METTL15: variants seen among roughly 807,000 people sequenced by gnomAD.
The protein encoded by METTL15 is 12S rRNA N(4)-cytidine methyltransferase METTL15.
Under a neutral mutation model 38.3 loss-of-function variants are expected in METTL15, and 34 were observed. The observed-to-expected ratio is 0.89, with a 90% CI of 0.68 to 1.18. METTL15 has a LOEUF of 1.18. Among genes scored for constraint, METTL15 ranks in the 50% most tolerant of loss-of-function variants. METTL15 has a pLI of 0.00. For missense variants in METTL15, 438 were observed against 498.4 expected, an observed-to-expected ratio of 0.88 and a Z score of 1.15; for synonymous variants, 162 against 170.9, an observed-to-expected ratio of 0.95 and a Z score of 0.41.
intron 4 of METTL15, among the ~76,000 whole-genome samples, chr11:28,262,359 CAG>C (rs1050407820): frequency 8.0e-5 from 12 of 150,568 alleles, no homozygotes; most frequent in African/African-American, 2.2e-4. Flanking sequence ...TATATAACTA[CAG>C]AGATATATAT....
intron 6 of METTL15, among the ~76,000 whole-genome samples, chr11:28,481,840 T>C (rs1426756306): frequency 1.3e-5 from 2 of 152,168 alleles, no homozygotes; most frequent in Non-Finnish European, 2.9e-5. Flanking sequence ...ATAAATAATT[T>C]TCTGTTATTG....
At chr11:28,176,726 A>T (rs940009798) in intron 3 of METTL15, among the ~76,000 whole-genome samples, 3 of 152,060 alleles carry the variant, frequency 2.0e-5, no homozygotes, top group Non-Finnish European at 4.4e-5. Flanking sequence ...GTTATTATCT[A>T]TCTGACCTTT....
At chr11:28,234,273 A>T (rs538373000) in intron 4 of METTL15, among the ~76,000 whole-genome samples, 162 of 152,074 alleles carry the variant, frequency 1.1e-3, no homozygotes, top group African/African-American at 2.1e-3. Flanking sequence ...ATACATGTGC[A>T]TGTGTCTTTA....
chr11:28,295,512 A>C (rs935698668), intron 5 of METTL15, among the ~76,000 whole-genome samples: 1 of 152,050 alleles, frequency 6.6e-6, no homozygotes, highest in African/African-American at 2.4e-5. Flanking sequence ...GAGGCAGGAG[A>C]ATCACTTGAA....
chr11:28,215,979 T>C (rs1252345561), intron 4 of METTL15, among the ~76,000 whole-genome samples: 3 of 152,106 alleles, frequency 2.0e-5, no homozygotes, highest in African/African-American at 7.2e-5. Flanking sequence ...CGCTCCAACC[T>C]TGGTGACAGA....
intron 3 of METTL15, among the ~76,000 whole-genome samples, chr11:28,140,723 G>A (rs1849668654): frequency 6.6e-6 from 1 of 152,192 alleles, no homozygotes. Context: ...CTGAAAGCAG[G>A]CTGCTGGTTG....
chr11:28,187,582 A>G (rs144895701), intron 3 of METTL15, among the ~76,000 whole-genome samples: 27 of 150,144 alleles, frequency 1.8e-4, no homozygotes, highest in Admixed American at 1.3e-3. Context: ...TAATAGAAAC[A>G]TAGTCACCAC....
intron 3 of METTL15, among the ~76,000 whole-genome samples, chr11:28,340,937 A>G (rs1269884222): frequency 6.6e-6 from 1 of 152,248 alleles, no homozygotes; most frequent in Non-Finnish European, 1.5e-5. Context: ...CCCATCAATA[A>G]TAGACTGGAT....
chr11:28,389,345 A>G (rs1380025139), intron 5 of METTL15, among the ~76,000 whole-genome samples: 2 of 149,714 alleles, frequency 1.3e-5, no homozygotes, highest in Admixed American at 1.3e-4. Flanking sequence ...CTCGTCATTT[A>G]GCATTAGGTA....
chr11:28,286,810 T>C (rs971517690), intron 4 of METTL15, among the ~76,000 whole-genome samples: 18 of 151,868 alleles, frequency 1.2e-4, no homozygotes, highest in African/African-American at 4.4e-4. Context: ...CTCATATTAA[T>C]ATCAAATAGT....
chr11:28,352,841 A>T (rs1850054012), intron 4 of METTL15, among the ~76,000 whole-genome samples: 1 of 152,234 alleles, frequency 6.6e-6, no homozygotes, highest in South Asian at 2.1e-4. Flanking sequence ...TGTTTACAGT[A>T]AAATGTCCCA....
At chr11:28,302,689 T>G (rs145773455) in intron 6 of METTL15, among the ~76,000 whole-genome samples, 1 of 152,292 alleles carries the variant, frequency 6.6e-6, no homozygotes, top group Non-Finnish European at 1.5e-5. Context: ...GGGTATGTCT[T>G]TATCAGCAGC....
chr11:28,425,598 G>T (rs1850856869), intron 6 of METTL15, among the ~76,000 whole-genome samples: 2 of 152,032 alleles, frequency 1.3e-5, no homozygotes, highest in African/African-American at 4.8e-5. Context: ...CACCTAAGCG[G>T]CCTCACCTTC....
intron 6 of METTL15, among the ~76,000 whole-genome samples, chr11:28,455,899 G>A (rs886876456): frequency 2.6e-5 from 4 of 151,900 alleles, no homozygotes; most frequent in Non-Finnish European, 5.9e-5. Context: ...GTAGAGATGG[G>A]GTTTCACTGT....
chr11:28,311,289 G>T (rs1257395080), intron 6 of METTL15, among the ~76,000 whole-genome samples: 1 of 152,060 alleles, frequency 6.6e-6, no homozygotes, highest in Non-Finnish European at 1.5e-5. Context: ...TATCAATTTT[G>T]GAAATGTCAT....
rs186953361 is a variant in METTL15, at chr11:28,512,942, T to C, written c.*425-13536T>C. 2.0e-4 allele frequency among the ~76,000 whole-genome samples: 30 copies of C among 152,312 alleles called. 1 individual carries two copies. Among genetic ancestry groups the C allele is most frequent in the Admixed American group, 1.6e-3 (24 of 15,294 alleles). On this transcript the variant is annotated intron_variant and NMD_transcript_variant, in intron 6 of 7. Coordinates refer to the METTL15 transcript ENST00000532947. ...GATCATCATAAGGTCTTTGTTCTTG[T>C]CTTCACATTGAGTAGACTGAGGAGG... is the stretch of plus-strand genomic sequence containing the variant.
intron 3 of METTL15, among the ~76,000 whole-genome samples, chr11:28,197,205 A>G (rs1851940933): frequency 6.6e-6 from 1 of 151,802 alleles, no homozygotes. Context: ...GTTCTTTGAA[A>G]TTTCTCCTGC....
At chr11:28,208,946 TATG>T (rs1852498356) in intron 3 of METTL15, among the ~76,000 whole-genome samples, 1 of 152,114 alleles carries the variant, frequency 6.6e-6, no homozygotes, top group Admixed American at 6.6e-5. Flanking sequence ...ACTCAGGACA[TATG>T]ATGGGTTTCC....
intron 6 of METTL15, among the ~76,000 whole-genome samples, chr11:28,457,126 G>C (rs1018023274): frequency 3.9e-5 from 6 of 152,064 alleles, no homozygotes; most frequent in African/African-American, 1.4e-4. Flanking sequence ...CTCATTTTTT[G>C]TATCAAAGTT....
Sources: allele counts gnomAD v4.1 joint callset (sites outside exome capture counted in the v4.1 genomes callset), GRCh38; gene constraint gnomAD v4.1.1; transcripts MANE v1.5; gene names NCBI Gene and HGNC (gene_info 2026-07-23, HGNC 2026-07-21).